The following ADAMTS9 variants were observed in gnomAD, a reference collection of about 807,000 sequenced individuals.
The protein encoded by ADAMTS9 is A disintegrin and metalloproteinase with thrombospondin motifs 9.
In ADAMTS9, 107 loss-of-function variants were observed where a neutral mutation model predicts 257.1. The observed-to-expected ratio is 0.42, with a 90% CI of 0.36 to 0.49. The LOEUF (loss-of-function observed/expected upper bound fraction) is 0.49, where lower values mean the gene tolerates loss of function less well. Ranked by LOEUF, ADAMTS9 falls within the 20% of genes least tolerant of loss-of-function variation. The probability of loss-of-function intolerance (pLI) is 0.03; values close to 1 mark genes in which losing one functional copy is unlikely to be tolerated. For synonymous variants in ADAMTS9, 982 were observed against 880.9 expected, an observed-to-expected ratio of 1.11 and a Z score of -2.03; for missense variants, 2,353 against 2,469.1, an observed-to-expected ratio of 0.95 and a Z score of 1.00.
intron 12 of ADAMTS9, among the ~76,000 whole-genome samples, chr3:64,640,725 T>TTA (rs1700615635): frequency 6.6e-6 from 1 of 152,228 alleles, no homozygotes; most frequent in African/African-American, 2.4e-5. Flanking sequence ...TACTTACCTA[T>TTA]TATTTTCTAT....
At position 64,654,552 on chromosome 3, in the gene ADAMTS9, G is replaced by C; in HGVS notation, c.1210+20C>G. ...TAGTAAAACGGTTTTAGCCATAGAA[G>C]ATACGCACAGAGAACTCACCTAAGG... On this transcript the variant is annotated intron_variant, in intron 7 of 39. Coordinates refer to ENST00000498707, the MANE Select transcript of ADAMTS9 (RefSeq NM_182920.2). 6.2e-7 allele frequency: 1 copy of C among 1,613,900 alleles called. No individual in the cohort carries two copies. Among genetic ancestry groups the C allele is most frequent in the Non-Finnish European group, 8.5e-7 (1 of 1,179,886 alleles).
chr3:64,518,809 C>G (rs112007222), intron 39 of ADAMTS9, among the ~76,000 whole-genome samples: 1,789 of 116,952 alleles, frequency 0.015, 35 homozygotes, highest in African/African-American at 0.054. Flanking sequence ...GGCTTACTCT[C>G]TCACCCAGGC....
chr3:64,517,416 G>GTTTTTTTTTTTTTTTTTTTTTTTTTTT lies in ADAMTS9; in HGVS notation c.*6-296_*6-295insAAAAAAAAAAAAAAAAAAAAAAAAAAA, dbSNP rs755480110. ...CATCAAGCCCAGCTAATTAAAAATG[G>GTTTTTTTTTTTTTTTTTTTTTTTTTTT]TTTTTTTTTTTTTTTTTTTTTTTGC... On this transcript the variant is annotated intron_variant, in intron 39 of 39. Transcript: ENST00000498707. Among the ~76,000 whole-genome samples, 40 of 52,664 alleles carry GTTTTTTTTTTTTTTTTTTTTTTTTTTT rather than the reference G, an allele frequency of 7.6e-4. 14 individuals are homozygous for GTTTTTTTTTTTTTTTTTTTTTTTTTTT. Among genetic ancestry groups the GTTTTTTTTTTTTTTTTTTTTTTTTTTT allele is most frequent in the South Asian group, 3.1e-3 (2 of 648 alleles). The allele number at this position is 52,664 out of a possible 152,430, so 34.5% of individuals were successfully genotyped here.
At chr3:64,536,818 A>G (rs1430394457) in intron 37 of ADAMTS9, among the ~76,000 whole-genome samples, 1 of 152,224 alleles carries the variant, frequency 6.6e-6, no homozygotes, top group Admixed American at 6.5e-5. Flanking sequence ...ATCTACTGTC[A>G]TCAGGATAAA....
intron 19 of ADAMTS9, 127 bp downstream of exon 19, chr3:64,620,987 T>A (rs988042444): frequency 1.6e-6 from 2 of 1,214,628 alleles, no homozygotes; most frequent in African/African-American, 3.1e-5. Context: ...TGGTTAAAGC[T>A]TATTTCACTG....
chr3:64,619,212 T>A (rs181875770), intron 19 of ADAMTS9, among the ~76,000 whole-genome samples: 2 of 152,258 alleles, frequency 1.3e-5, no homozygotes, highest in Non-Finnish European at 2.9e-5. Flanking sequence ...TCTATAGTTA[T>A]AATCAGAGAC....
At chr3:64,638,915 G>A (rs1377477753) in intron 12 of ADAMTS9, among the ~76,000 whole-genome samples, 1 of 152,080 alleles carries the variant, frequency 6.6e-6, no homozygotes, top group East Asian at 1.9e-4. Flanking sequence ...GACATACCTT[G>A]TACCTTGGAT....
At chr3:64,596,152 C>T (rs569745736) in intron 27 of ADAMTS9, among the ~76,000 whole-genome samples, 23 of 152,276 alleles carry the variant, frequency 1.5e-4, no homozygotes, top group Admixed American at 9.8e-4. Context: ...TATTACTATC[C>T]TTATTTACAG....
chr3:64,635,561 G>C (rs1700476106), intron 12 of ADAMTS9, among the ~76,000 whole-genome samples: 1 of 152,138 alleles, frequency 6.6e-6, no homozygotes, highest in Non-Finnish European at 1.5e-5. Flanking sequence ...TTCAAACTGG[G>C]AAATCTCCTT....
intron 3 of ADAMTS9, among the ~76,000 whole-genome samples, chr3:64,674,478 A>G (rs1350376985): frequency 6.6e-6 from 1 of 152,216 alleles, no homozygotes; most frequent in Non-Finnish European, 1.5e-5. Flanking sequence ...TTGTAGGATG[A>G]GAATAATCAG....
rs777551320 is a variant in ADAMTS9, at chr3:64,568,425, C to T, written c.4467G>A (p.Gly1489=). 2 of 1,613,804 alleles carry T rather than the reference C, an allele frequency of 1.2e-6. No homozygotes were observed. Among genetic ancestry groups the T allele is most frequent in the Admixed American group, 1.7e-5 (1 of 59,920 alleles). The change falls in exon 29 of 40, where the codon GGG becomes GGA. Residue 1489 remains glycine (G), a synonymous_variant. Transcript: ENST00000498707. ...DYCKHLAKPH[G]HRKCRGGRCP... is the part of the protein sequence containing the mutation. ...ATCTTCCTCCTCGGCACTTTCTGTG[C>T]CCATGTGGCTTAGCCAGGTGCTTAC...
intron 22 of ADAMTS9, among the ~76,000 whole-genome samples, chr3:64,610,320 CAG>C (rs1389543244): frequency 1.3e-5 from 2 of 152,194 alleles, no homozygotes; most frequent in East Asian, 3.9e-4. Context: ...AAAGGCAACA[CAG>C]GGGATGGGGG....
In ADAMTS9 at chr3:64,571,021, T is replaced by C. The variant is rs149509257; in HGVS notation, c.4357-2486A>G. Among the ~76,000 whole-genome samples the C allele has an allele frequency of 3.3e-3, 496 of 152,326 alleles. 10 individuals are homozygous for C. The East Asian group carries it at 0.04, about 12-fold the overall frequency. On this transcript the variant is annotated intron_variant, in intron 28 of 39. Coordinates refer to ENST00000498707, the MANE Select transcript of ADAMTS9 (RefSeq NM_182920.2). ...CATGGGTGACCTTAACACAAGTCTA[T>C]ATGTAGGGACAGTCACTTCAATATA...
intron 8 of ADAMTS9, 23 bp from the exon 9 acceptor site, chr3:64,651,186 G>A: frequency 6.5e-7 from 1 of 1,547,832 alleles, no homozygotes; most frequent in Non-Finnish European, 8.7e-7. Context: ...AGACAATGAT[G>A]AGAATGTCAA....
intron 28 of ADAMTS9, among the ~76,000 whole-genome samples, chr3:64,571,312 G>A (rs1354315474): frequency 2.6e-5 from 4 of 152,136 alleles, no homozygotes; most frequent in Non-Finnish European, 5.9e-5. Context: ...GGAGACAATT[G>A]GTGTTTTCAG....
chr3:64,565,882 T>G (rs1354191545), intron 29 of ADAMTS9: 1 of 152,172 alleles, frequency 6.6e-6, no homozygotes, highest in Admixed American at 6.5e-5. Flanking sequence ...TGATTTTCTT[T>G]ACAAATTCAA....
At chr3:64,532,934 T>C (rs1343897393) in intron 38 of ADAMTS9, among the ~76,000 whole-genome samples, 3 of 152,330 alleles carry the variant, frequency 2.0e-5, no homozygotes, top group Non-Finnish European at 2.9e-5. Flanking sequence ...ATGGTTCATA[T>C]GTTCACCTCT....
chr3:64,602,273 C>T, intron 25 of ADAMTS9, 60 bp from the exon 26 acceptor site: 1 of 1,575,318 alleles, frequency 6.3e-7, no homozygotes, highest in Non-Finnish European at 8.6e-7. Flanking sequence ...TTGACAATTC[C>T]TGAATGTGCA....
At chr3:64,611,172 G>A (rs1212381059) in intron 22 of ADAMTS9, among the ~76,000 whole-genome samples, 2 of 151,568 alleles carry the variant, frequency 1.3e-5, no homozygotes, top group Admixed American at 1.3e-4. Flanking sequence ...GTGAAGCCAG[G>A]TACTGAAATA....
Sources: gnomAD v4.1 joint callset for allele counts (sites outside exome capture counted in the v4.1 genomes callset) on GRCh38, gnomAD v4.1.1 for gene constraint, MANE v1.5 for transcripts, NCBI Gene and HGNC (gene_info 2026-07-23, HGNC 2026-07-21) for gene names.